The following RCAN1 variants were observed in gnomAD, a reference collection of about 807,000 sequenced individuals.
RCAN1 encodes regulator of calcineurin 1.
In RCAN1, 11 loss-of-function variants were observed where a neutral mutation model predicts 22.9. The observed-to-expected ratio is 0.48, with a 90% CI of 0.30 to 0.79. The LOEUF is 0.79. RCAN1 is among the 30% of genes least tolerant of loss of function. The pLI, the probability that RCAN1 is intolerant of heterozygous loss-of-function variation, is 0.06. For synonymous variants in RCAN1, 136 were observed against 142.3 expected, an observed-to-expected ratio of 0.96 and a Z score of 0.32; for missense variants, 291 against 337.8, an observed-to-expected ratio of 0.86 and a Z score of 1.09.
chr21:34,538,144 G>T (rs1985756868), intron 1 of RCAN1, among the ~76,000 whole-genome samples: 2 of 152,066 alleles, frequency 1.3e-5, no homozygotes, highest in African/African-American at 4.8e-5. Flanking sequence ...GGCAAAAAAA[G>T]TTTTGTCAGG....
intron 1 of RCAN1, among the ~76,000 whole-genome samples, chr21:34,532,574 TA>T (rs571288563): frequency 7.2e-4 from 110 of 152,246 alleles, no homozygotes; most frequent in Non-Finnish European, 1.1e-3. Flanking sequence ...AAATGCCAGC[TA>T]AAGAAACAAA....
At chr21:34,604,410 G>T (rs1248397832) in intron 1 of RCAN1, among the ~76,000 whole-genome samples, 1 of 152,036 alleles carries the variant, frequency 6.6e-6, no homozygotes, top group Admixed American at 6.6e-5. Context: ...GAAATTACAG[G>T]GATAAGCCAC....
At chr21:34,534,419 G>A (rs77189961) in intron 1 of RCAN1, among the ~76,000 whole-genome samples, 3,122 of 152,060 alleles carry the variant, frequency 0.021, 53 homozygotes, top group Middle Eastern at 0.041. Context: ...CCCACCTCCC[G>A]CTGTCACCAT....
intron 1 of RCAN1, among the ~76,000 whole-genome samples, chr21:34,583,788 CT>C (rs1176723054): frequency 6.6e-6 from 1 of 152,198 alleles, no homozygotes. Context: ...CTTTGAATTG[CT>C]ATGAGTTGAC....
At chr21:34,601,153 C>G (rs1002907099) in intron 1 of RCAN1, among the ~76,000 whole-genome samples, 1 of 152,220 alleles carries the variant, frequency 6.6e-6, no homozygotes, top group African/African-American at 2.4e-5. Context: ...TAAGTGCCTA[C>G]TATGTGGCAG....
Position 34,518,166 on chromosome 21 carries a change from T to C in RCAN1, c.677A>G (p.Glu226Gly). ...AGGTCTCCTCATTCTTTCCATTTCC[T>C]CTTCTTCCTCCTTCTCTTGATCACT... is the stretch of plus-strand genomic sequence containing the variant. The part of the protein sequence containing the change: ...CESDQEKEEE[E>G]EMERMRRPKP... The change falls in exon 4 of 4, where the codon GAG (glutamate) becomes GGG (glycine). Residue 226 changes from glutamate to glycine, a missense_variant. Glu to Gly is a moderately conservative substitution (Grantham distance 98). Transcript: ENST00000313806. This position sits in a 1 kb window ranked among gnomAD's most constrained non-coding sequence, Gnocchi z 4.2. The C allele has an allele frequency of 6.2e-7, 1 of 1,614,256 alleles. No homozygotes were observed. Among genetic ancestry groups the C allele is most frequent in the Non-Finnish European group, 8.5e-7 (1 of 1,180,052 alleles).
chr21:34,578,305 T>C (rs372250760), intron 1 of RCAN1, among the ~76,000 whole-genome samples: 4 of 152,276 alleles, frequency 2.6e-5, no homozygotes, highest in East Asian at 3.9e-4. Flanking sequence ...CCATATTAAA[T>C]GAGTTCCGTG....
At position 34,536,961 on chromosome 21, in the gene RCAN1, C is replaced by T. The variant is rs376774238; in HGVS notation, c.253-13251G>A. On this transcript the variant is annotated intron_variant, in intron 1 of 3. Coordinates refer to ENST00000313806, the MANE Select transcript of RCAN1 (RefSeq NM_004414.7). ...CCTGCTATTTCCATTACCATACACA[C>T]ACCCTGTTTCCATGTCTGCAGTTGA... Among the ~76,000 whole-genome samples, 58 of 152,326 alleles carry T rather than the reference C, an allele frequency of 3.8e-4. 1 individual carries two copies. In the South Asian group the frequency reaches 0.012, roughly 32 times the overall value.
At chr21:34,539,331 C>T (rs1346559282) in intron 1 of RCAN1, among the ~76,000 whole-genome samples, 1 of 152,168 alleles carries the variant, frequency 6.6e-6, no homozygotes, top group Non-Finnish European at 1.5e-5. Context: ...TATAGAGCCA[C>T]TCATAGTAAG....
At chr21:34,560,568 T>G (rs1986752557) in intron 1 of RCAN1, among the ~76,000 whole-genome samples, 1 of 152,180 alleles carries the variant, frequency 6.6e-6, no homozygotes, top group Non-Finnish European at 1.5e-5. Context: ...AGAGGATTGT[T>G]GTAAAGTTCT....
chr21:34,521,783 C>T (rs1357658119), intron 2 of RCAN1, 125 bp from the exon 3 acceptor site: 8 of 754,114 alleles, frequency 1.1e-5, no homozygotes, highest in Non-Finnish European at 1.7e-5. Flanking sequence ...AGGTGTGATT[C>T]CAGGACCAAT....
intron 1 of RCAN1, among the ~76,000 whole-genome samples, chr21:34,558,786 A>ATTCC (rs1986682377): frequency 6.6e-6 from 1 of 152,148 alleles, no homozygotes. Context: ...TGGGGAGAAC[A>ATTCC]TTTCATCTCC....
At chr21:34,552,041 G>A (rs895598879) in intron 1 of RCAN1, among the ~76,000 whole-genome samples, 2 of 152,154 alleles carry the variant, frequency 1.3e-5, no homozygotes, top group African/African-American at 4.8e-5. Context: ...GTCTCTATCA[G>A]GGTTCCTCTC....
chr21:34,530,521 G>T (rs2123600904), intron 1 of RCAN1, among the ~76,000 whole-genome samples: 1 of 150,574 alleles, frequency 6.6e-6, no homozygotes, highest in African/African-American at 2.4e-5. Flanking sequence ...CCAACACTGA[G>T]CAAAAAATGA....
chr21:34,525,060 G>A, intron 1 of RCAN1: 1 of 1,550,230 alleles, frequency 6.5e-7, no homozygotes, highest in African/African-American at 1.4e-5. Context: ...GTGGATGGTA[G>A]GCAGCGCGGA....
At chr21:34,529,039 C>T (rs890246781) in intron 1 of RCAN1, among the ~76,000 whole-genome samples, 2 of 151,762 alleles carry the variant, frequency 1.3e-5, no homozygotes, top group Admixed American at 6.6e-5. Context: ...CACTAGATTG[C>T]CCAAAAACAT....
intron 3 of RCAN1, 133 bp downstream of exon 3, chr21:34,521,366 A>C: frequency 1.9e-6 from 3 of 1,545,336 alleles, no homozygotes; most frequent in Non-Finnish European, 2.6e-6. Context: ...GGCGCAGAAG[A>C]ATACAGAGAA....
intron 1 of RCAN1, chr21:34,524,444 A>G (rs1002121755): frequency 6.7e-6 from 1 of 148,526 alleles, no homozygotes; most frequent in Admixed American, 6.8e-5. Flanking sequence ...CCCACCGTTC[A>G]GCTCAGGGCA....
At chr21:34,573,075 T>C (rs1381151004) in intron 1 of RCAN1, among the ~76,000 whole-genome samples, 1 of 152,190 alleles carries the variant, frequency 6.6e-6, no homozygotes, top group Non-Finnish European at 1.5e-5. Context: ...TCCAAGCAAA[T>C]GTCAGCTAAA....
Sources: gnomAD v4.1 joint callset for allele counts (sites outside exome capture counted in the v4.1 genomes callset) on GRCh38, gnomAD v4.1.1 for gene constraint, Gnocchi (gnomAD v3.1) non-coding constraint, MANE v1.5 for transcripts, NCBI Gene and HGNC (gene_info 2026-07-23, HGNC 2026-07-21) for gene names.